The following PISD variants were observed in gnomAD, a reference collection of about 807,000 sequenced individuals.
The protein encoded by PISD is phosphatidylserine decarboxylase.
Under a neutral mutation model 43.5 loss-of-function variants are expected in PISD, and 31 were observed. That is an observed-to-expected ratio of 0.71 (90% confidence interval 0.54 to 0.96). The LOEUF is 0.96. PISD is among the 40% of genes least tolerant of loss of function. The pLI is 0.00. For missense variants in PISD, 523 were observed against 548.4 expected (o/e 0.95, Z 0.46); for synonymous variants, 259 against 228.7 (o/e 1.13, Z -1.20).
rs374628802 is a variant in PISD at position 31,621,676 on chromosome 22, G to T, written c.531C>A (p.Ala177=). Residue 177 remains alanine (A), a synonymous_variant, in exon 4 of 8, where the codon GCC becomes GCA. Transcript: ENST00000439502. ...CGCTGTGCAGGCCACAGACAGGCCG[G>T]GCCTGCGGCTTCAGCTTGCGCCGGA... ...EFFRRKLKPQ[A]RPVCGLHSVI... 1 of 1,613,844 alleles carries T rather than the reference G, an allele frequency of 6.2e-7. No homozygotes were observed. Among genetic ancestry groups the T allele is most frequent in the Non-Finnish European group, 8.5e-7 (1 of 1,179,942 alleles).
intron 3 of PISD, among the ~76,000 whole-genome samples, chr22:31,634,566 G>C (rs1170903334): frequency 6.6e-6 from 1 of 152,212 alleles, no homozygotes; most frequent in Admixed American, 6.5e-5. Flanking sequence ...GCCAGACGTG[G>C]TGACTTAGTG....
In PISD at chr22:31,621,059, C is replaced by G. The variant is rs767254535; in HGVS notation, c.781G>C (p.Gly261Arg). ...LYHCVIYLAP[G>R]DYHCFHSPTD... The stretch of plus-strand genomic sequence containing the variant: ...GGGGAGTGGAAGCAGTGGTAGTCCC[C>G]AGGGGCCAGGTAGATGACACAGTGA... Residue 261 changes from glycine to arginine, a missense_variant, in exon 6 of 8, where the codon GGG (glycine) becomes CGG (arginine). Gly to Arg is a moderately radical substitution (Grantham distance 125). Coordinates refer to ENST00000439502, the MANE Select transcript of PISD (RefSeq NM_001326411.2). 6.2e-7 allele frequency: 1 copy of G among 1,614,066 alleles called. No individual in the cohort carries two copies. Among genetic ancestry groups the G allele is most frequent in the Non-Finnish European group, 8.5e-7 (1 of 1,179,958 alleles).
chr22:31,662,364 G>C, upstream of PISD: 2 of 695,148 alleles, frequency 2.9e-6, no homozygotes, highest in Non-Finnish European at 5.0e-6. Flanking sequence ...CACCTAACCC[G>C]CTTGGCACCT....
chr22:31,643,456 C>T (rs781766177), intron 3 of PISD, among the ~76,000 whole-genome samples: 1 of 152,006 alleles, frequency 6.6e-6, no homozygotes, highest in Non-Finnish European at 1.5e-5. Flanking sequence ...ATAAAACTAC[C>T]CTGGCGAAGT....
Position 31,630,870 on chromosome 22 carries a change from G to A in PISD, c.322-8985C>T, listed in dbSNP as rs916107015. On this transcript the variant is annotated intron_variant, in intron 3 of 7. Coordinates refer to ENST00000439502, the MANE Select transcript of PISD (RefSeq NM_001326411.2). The surrounding 1 kb of genome is among the most constrained non-coding windows in gnomAD (Gnocchi z 4.4). Reference sequence around the variant, plus strand: ...CGCTCCCGGAGCCGGGAAGCCTTGGGGCGAGTGGGCGGGGCTCGGGCTCCA... The same window carrying A: ...CGCTCCCGGAGCCGGGAAGCCTTGGAGCGAGTGGGCGGGGCTCGGGCTCCA... The A allele has an allele frequency of 4.1e-6, 4 of 985,326 alleles. No homozygotes were observed. The African/African-American group carries it at 7.0e-5, about 17-fold the overall frequency. The allele number at this position is 985,326 out of a possible 1,614,324, so 61.0% of individuals were successfully genotyped here. A position where few individuals can be genotyped will look rare whatever the true frequency, so the allele number is the denominator to read the frequency against.
intron 3 of PISD, among the ~76,000 whole-genome samples, chr22:31,635,276 G>A (rs1023732431): frequency 5.3e-5 from 8 of 152,244 alleles, no homozygotes; most frequent in South Asian, 2.1e-4. Flanking sequence ...ATTCCTTCCA[G>A]CCCAGAAGTT....
In PISD at chr22:31,619,724, T is replaced by G. The variant is rs1224775587; in HGVS notation, c.1118A>C (p.Glu373Ala). 1 of 1,614,208 alleles carries G rather than the reference T, an allele frequency of 6.2e-7. No homozygotes were observed. The highest frequency in any genetic ancestry group is 2.2e-5 in the East Asian group (1 of 44,888). The change falls in exon 8 of 8, where the codon GAG becomes GCG. Residue 373 changes from glutamate (E) to alanine (A), a missense_variant. Glu to Ala is a moderately radical substitution (Grantham distance 107, BLOSUM62 -1). Transcript: ENST00000439502. ...CACGATGGTGGAGCCCAGGTTGAAC[T>G]CGCCCAGGTGCTCGCCCTTACGCAT... ...VPMRKGEHLG[E>A]FNLGSTIVLI...
Position 31,621,394 on chromosome 22 carries a change from A to G in PISD, c.637T>C (p.Tyr213His). 1 of 1,614,086 alleles carries G rather than the reference A, an allele frequency of 6.2e-7. No homozygotes were observed. The highest frequency in any genetic ancestry group is 1.1e-5 in the South Asian group (1 of 91,086). The change falls in exon 5 of 8, where the codon TAC (tyrosine) becomes CAC (histidine). Residue 213 changes from tyrosine to histidine, a missense_variant. By Grantham distance (83) the Tyr-to-His change is moderately conservative. Transcript: ENST00000439502. ...GGGCCCAGGAACGACTCCAGGGAGT[A>G]GGTGACCCCCTTTACCTGCTCCACC... ...CEVEQVKGVT[Y>H]SLESFLGPRM...
chr22:31,638,244 C>T, intron 3 of PISD: 1 of 347,938 alleles, frequency 2.9e-6, no homozygotes, highest in Non-Finnish European at 4.0e-6. Flanking sequence ...GACGCTGTGA[C>T]CGGGCACAGC....
chr22:31,623,173 C>T (rs2072677684), intron 3 of PISD, among the ~76,000 whole-genome samples: 1 of 152,178 alleles, frequency 6.6e-6, no homozygotes. Context: ...AGCAAGCCCT[C>T]TAGGGACCAG....
intron 3 of PISD, among the ~76,000 whole-genome samples, chr22:31,622,198 C>T (rs552559658): frequency 2.6e-5 from 4 of 152,218 alleles, no homozygotes; most frequent in African/African-American, 7.2e-5. Context: ...AAGTGGGGGT[C>T]GGAAACGGAT....
At chr22:31,637,164 A>AAATATAT (rs1569487518) in intron 3 of PISD, among the ~76,000 whole-genome samples, 3 of 13,652 alleles carry the variant, frequency 2.2e-4, no homozygotes, top group Non-Finnish European at 3.7e-4. Flanking sequence ...AAAAAAAAAA[A>AAATATAT]ATATATATAT....
chr22:31,623,574 G>T, intron 3 of PISD: 1 of 1,097,586 alleles, frequency 9.1e-7, no homozygotes, highest in Non-Finnish European at 1.3e-6. Flanking sequence ...TGAAGATGTA[G>T]CGGTGACCTC....
upstream of PISD, chr22:31,662,251 TGGGC>T: frequency 6.3e-7 from 1 of 1,582,292 alleles, no homozygotes. Flanking sequence ...CTTCACACGC[TGGGC>T]GCACGCTTAA....
chr22:31,640,878 G>GTGTTTTTT (rs2073687808), intron 3 of PISD, among the ~76,000 whole-genome samples: 1 of 27,190 alleles, frequency 3.7e-5, no homozygotes. Flanking sequence ...ACCACACCCG[G>GTGTTTTTT]TGTTTTTTTT....
At chr22:31,637,165 A>ATATATATG (rs2073516304) in intron 3 of PISD, among the ~76,000 whole-genome samples, 1 of 13,414 alleles carries the variant, frequency 7.5e-5, no homozygotes, top group Non-Finnish European at 1.1e-4. Context: ...AAAAAAAAAA[A>ATATATATG]TATATATATA....
At chr22:31,660,752 G>A (rs1026203152) in intron 1 of PISD, among the ~76,000 whole-genome samples, 1 of 151,488 alleles carries the variant, frequency 6.6e-6, no homozygotes, top group Non-Finnish European at 1.5e-5. Flanking sequence ...TAATTTTTTT[G>A]AGACAGAGTC....
rs747525388 is a variant in PISD, at chr22:31,648,188, T to A, written c.234A>T (p.Ala78=). The change falls in exon 3 of 8, where the codon GCA becomes GCT. Residue 78 remains alanine, a synonymous_variant. Coordinates refer to ENST00000439502, the MANE Select transcript of PISD (RefSeq NM_001326411.2). ...PILLVTGGGY[A]GYRQYEKYRE... Reference sequence around the variant, plus strand: ...TGTACTTCTCATACTGCCGGTACCCTGCATACCCGCCGCCTGTCACCAACA... The same window carrying A: ...TGTACTTCTCATACTGCCGGTACCCAGCATACCCGCCGCCTGTCACCAACA... The A allele has an allele frequency of 1.2e-6, 2 of 1,612,262 alleles. No homozygotes were observed. Among genetic ancestry groups the A allele is most frequent in the African/African-American group, 2.7e-5 (2 of 74,888 alleles).
chr22:31,625,923 A>G (rs1175014987), intron 3 of PISD: 10 of 1,524,488 alleles, frequency 6.6e-6, no homozygotes, highest in Admixed American at 2.0e-5. Flanking sequence ...TCACTGCTCC[A>G]GGGCCTCTGC....
Sources: gnomAD v4.1 joint callset for allele counts (sites outside exome capture counted in the v4.1 genomes callset) on GRCh38, gnomAD v4.1.1 for gene constraint, Gnocchi (gnomAD v3.1) non-coding constraint, MANE v1.5 for transcripts, NCBI Gene and HGNC (gene_info 2026-07-23, HGNC 2026-07-21) for gene names.